TYW1: variants seen among roughly 807,000 people sequenced by gnomAD.
The protein encoded by TYW1 is S-adenosyl-L-methionine-dependent tRNA 4-demethylwyosine synthase TYW1.
TYW1 carries 46 observed loss-of-function variants against 96.2 expected under a neutral mutation model. The ratio of observed to expected loss-of-function variants is 0.48; its 90% CI spans 0.38 to 0.61. TYW1 has a LOEUF of 0.61. Ranked by LOEUF, TYW1 falls within the 20% of genes least tolerant of loss-of-function variation. The pLI is 0.00. For missense variants in TYW1, 684 were observed against 909.6 expected, an observed-to-expected ratio of 0.75 and a Z score of 3.19; for synonymous variants, 274 against 323.0, an observed-to-expected ratio of 0.85 and a Z score of 1.63.
At chr7:67,072,411 T>C (rs1796057420) in intron 10 of TYW1, among the ~76,000 whole-genome samples, 1 of 152,074 alleles carries the variant, frequency 6.6e-6, no homozygotes, top group Non-Finnish European at 1.5e-5. Flanking sequence ...CATGCCCTGC[T>C]AATTTTTTGT....
chr7:67,232,555 A>G (rs1356317514), intron 15 of TYW1, among the ~76,000 whole-genome samples: 2 of 136,356 alleles, frequency 1.5e-5, no homozygotes, highest in African/African-American at 5.8e-5. Context: ...ATAAATAAAT[A>G]AAAATAATAA....
chr7:67,004,290 C>A (rs1793496060), intron 3 of TYW1, among the ~76,000 whole-genome samples: 2 of 152,064 alleles, frequency 1.3e-5, no homozygotes, highest in Admixed American at 6.6e-5. Flanking sequence ...TGGTGATGGG[C>A]CTAATGGGAG....
intron 5 of TYW1, 33 bp downstream of exon 5, chr7:67,014,594 T>TC: frequency 6.3e-7 from 1 of 1,578,228 alleles, no homozygotes; most frequent in African/African-American, 1.3e-5. Context: ...GAATAAATTC[T>TC]CCCCATAAAC....
chr7:67,225,658 C>T (rs1240409503), intron 15 of TYW1, among the ~76,000 whole-genome samples: 1 of 152,088 alleles, frequency 6.6e-6, no homozygotes, highest in African/African-American at 2.4e-5. Context: ...GGCCTGATTG[C>T]TCCCAGCAGC....
intron 15 of TYW1, among the ~76,000 whole-genome samples, chr7:67,227,732 T>C (rs1050189083): frequency 5.3e-5 from 8 of 152,040 alleles, no homozygotes; most frequent in African/African-American, 1.9e-4. Context: ...CTCAGGTGCA[T>C]TTCCAAGGTT....
rs1358478165 is a variant in TYW1, at chr7:67,018,024, A to G, written c.742A>G (p.Arg248Gly). The stretch of plus-strand genomic sequence containing the variant: ...GCTGCAGGCACTTCAGAAAGGGGAG[A>G]GAAAGAAGTCCTGTGGCGGCCACTG... ...SQLQALQKGE[R>G]KKSCGGHCKK... Residue 248 changes from arginine (R) to glycine (G), a missense_variant, in exon 6 of 16, where the codon AGA becomes GGA. Coordinates refer to ENST00000359626, the MANE Select transcript of TYW1 (RefSeq NM_018264.4). 2 of 1,614,064 alleles carry G rather than the reference A, an allele frequency of 1.2e-6. No individual in the cohort carries two copies. Among genetic ancestry groups the G allele is most frequent in the Non-Finnish European group, 8.5e-7 (1 of 1,180,026 alleles).
At chr7:67,159,734 G>C (rs1005983495) in intron 13 of TYW1, among the ~76,000 whole-genome samples, 2 of 152,022 alleles carry the variant, frequency 1.3e-5, no homozygotes, top group Non-Finnish European at 2.9e-5. Context: ...TGTAGTAATA[G>C]TTAATTTTTT....
intron 12 of TYW1, among the ~76,000 whole-genome samples, chr7:67,109,687 C>T (rs1227601253): frequency 6.6e-6 from 1 of 152,126 alleles, no homozygotes; most frequent in Non-Finnish European, 1.5e-5. Flanking sequence ...TCAAGACCAG[C>T]TTGACCTACA....
chr7:67,159,993 T>C (rs1799110565), intron 13 of TYW1, among the ~76,000 whole-genome samples: 1 of 151,822 alleles, frequency 6.6e-6, no homozygotes, highest in African/African-American at 2.4e-5. Context: ...TTAGTAGAGA[T>C]GGGGTATCAC....
At chr7:67,103,545 G>T (rs992388229) in intron 12 of TYW1, among the ~76,000 whole-genome samples, 9 of 152,138 alleles carry the variant, frequency 5.9e-5, no homozygotes, top group Non-Finnish European at 8.8e-5. Context: ...AGGACTTGAG[G>T]CCTCTCCGAA....
At chr7:67,066,031 ACC>A (rs869267846) in intron 9 of TYW1, among the ~76,000 whole-genome samples, 1,727 of 81,684 alleles carry the variant, frequency 0.021, 21 homozygotes, top group Admixed American at 0.05. Context: ...ACACACACAC[ACC>A]CACACCCCTA....
intron 12 of TYW1, among the ~76,000 whole-genome samples, chr7:67,104,576 T>C (rs1269823906): frequency 7.5e-6 from 1 of 132,490 alleles, no homozygotes; most frequent in Non-Finnish European, 1.6e-5. Context: ...CCAGATTATA[T>C]CAGACTCTTT....
At chr7:67,070,597 T>C (rs1468505799) in intron 10 of TYW1, among the ~76,000 whole-genome samples, 13 of 152,204 alleles carry the variant, frequency 8.5e-5, no homozygotes, top group African/African-American at 3.1e-4. Flanking sequence ...GGTTCCTTCT[T>C]ATCATTTGTA....
At chr7:67,076,471 G>A (rs1796209775) in intron 10 of TYW1, among the ~76,000 whole-genome samples, 1 of 151,922 alleles carries the variant, frequency 6.6e-6, no homozygotes, top group African/African-American at 2.4e-5. Context: ...AGAATTTTAT[G>A]GTATGTGAAT....
intron 8 of TYW1, among the ~76,000 whole-genome samples, chr7:67,053,762 C>T (rs554637252): frequency 3.7e-4 from 56 of 152,298 alleles, no homozygotes; most frequent in African/African-American, 1.3e-3. Flanking sequence ...AAAAATGGTT[C>T]TTTCCCATCC....
At chr7:67,065,392 C>G (rs1362024800) in intron 9 of TYW1, among the ~76,000 whole-genome samples, 1 of 152,218 alleles carries the variant, frequency 6.6e-6, no homozygotes, top group Non-Finnish European at 1.5e-5. Context: ...AGTGTATTAA[C>G]TTCTTAATCA....
intron 15 of TYW1, among the ~76,000 whole-genome samples, chr7:67,237,113 T>C (rs1422273847): frequency 6.6e-6 from 1 of 152,184 alleles, no homozygotes; most frequent in Non-Finnish European, 1.5e-5. Flanking sequence ...CTTGAACGCC[T>C]GACCTCAGGC....
intron 11 of TYW1, among the ~76,000 whole-genome samples, chr7:67,086,547 C>T (rs115532360): frequency 0.032 from 4,813 of 152,116 alleles, 223 homozygotes; most frequent in African/African-American, 0.11. Context: ...TTTGTGGAGG[C>T]TTGGTGAGTT....
At chr7:67,192,630 C>G (rs1800256658) in intron 14 of TYW1, among the ~76,000 whole-genome samples, 1 of 152,136 alleles carries the variant, frequency 6.6e-6, no homozygotes, top group Non-Finnish European at 1.5e-5. Flanking sequence ...TCCAGCCATG[C>G]TTTCGTAATG....
Sources: allele counts gnomAD v4.1 joint callset (sites outside exome capture counted in the v4.1 genomes callset), GRCh38; gene constraint gnomAD v4.1.1; transcripts MANE v1.5; gene names NCBI Gene and HGNC (gene_info 2026-07-23, HGNC 2026-07-21).